The following PPP4R1 variants were observed in gnomAD, a reference collection of about 807,000 sequenced individuals.
PPP4R1 encodes the protein serine/threonine-protein phosphatase 4 regulatory subunit 1.
A neutral mutation model predicts 111.2 loss-of-function variants in PPP4R1; 42 were observed. That is an observed-to-expected ratio of 0.38 (90% CI 0.29 to 0.49). The LOEUF (loss-of-function observed/expected upper bound fraction) is 0.49. PPP4R1 is among the 20% of genes least tolerant of loss of function. PPP4R1 has a pLI of 0.97. For synonymous variants in PPP4R1, 409 were observed against 405.5 expected (o/e 1.01, Z -0.10); for missense variants, 1,012 against 1,161.6 (o/e 0.87, Z 1.87).
At chr18:9,561,696 G>GCAC (rs1271194339) in intron 13 of PPP4R1, among the ~76,000 whole-genome samples, 1 of 152,190 alleles carries the variant, frequency 6.6e-6, no homozygotes, top group Non-Finnish European at 1.5e-5. Context: ...ATAAAAAGAG[G>GCAC]CACATGTGTA....
intron 10 of PPP4R1, among the ~76,000 whole-genome samples, chr18:9,574,237 G>A (rs1014375894): frequency 6.6e-6 from 1 of 152,248 alleles, no homozygotes; most frequent in South Asian, 2.1e-4. Flanking sequence ...ACTTAAGGAG[G>A]AATCTTAAGT....
chr18:9,576,703 C>T (rs1302379021), intron 10 of PPP4R1, among the ~76,000 whole-genome samples: 3 of 152,046 alleles, frequency 2.0e-5, no homozygotes, highest in African/African-American at 4.8e-5. Flanking sequence ...CCAAATACTA[C>T]ACAGTGTGTA....
rs541422363 is a variant in PPP4R1 at position 9,601,159 on chromosome 18, A to C, written c.53-6006T>G. On this transcript the variant is annotated intron_variant, in intron 2 of 19. Coordinates refer to ENST00000400556, the MANE Select transcript of PPP4R1 (RefSeq NM_001042388.3). Reference sequence around the variant, plus strand: ...TATCTGAATTTTTTAAATGACCAAAAAGCATGCAATACAGTGTTCAAACCA... The same window carrying C: ...TATCTGAATTTTTTAAATGACCAAACAGCATGCAATACAGTGTTCAAACCA... 1.9e-4 allele frequency among the ~76,000 whole-genome samples: 29 copies of C among 152,086 alleles called. No homozygotes were observed. In the South Asian group the frequency reaches 6.0e-3, roughly 32 times the overall value.
At chr18:9,608,759 T>TA (rs202069969) in intron 2 of PPP4R1, among the ~76,000 whole-genome samples, 2,490 of 152,048 alleles carry the variant, frequency 0.016, 75 homozygotes, top group African/African-American at 0.057. Flanking sequence ...CTCCAAAATA[T>TA]AAAAAAAAGA....
intron 10 of PPP4R1, among the ~76,000 whole-genome samples, chr18:9,573,141 C>T (rs2066886707): frequency 6.6e-6 from 1 of 152,146 alleles, no homozygotes. Context: ...ATGTATTTCC[C>T]ATTTTGTCCA....
chr18:9,611,236 G>A (rs1044085608), intron 2 of PPP4R1, among the ~76,000 whole-genome samples: 4 of 152,242 alleles, frequency 2.6e-5, no homozygotes, highest in South Asian at 2.1e-4. Flanking sequence ...CACCTAGCTT[G>A]GCTGAAGTAG....
In PPP4R1 at chr18:9,547,775, G is replaced by C. The variant is rs192699370; in HGVS notation, c.*14C>G. ...CTCTCATGGAAGCAGGAAAGACACC[G>C]AGATTCAAGCCTTCTAGTAGGTTGA... On this transcript the variant is annotated 3_prime_UTR_variant, in exon 20 of 20. Coordinates refer to ENST00000400556, the MANE Select transcript of PPP4R1 (RefSeq NM_001042388.3). 1 of 1,611,892 alleles carries C rather than the reference G, an allele frequency of 6.2e-7. No individual in the cohort carries two copies.
intron 14 of PPP4R1, among the ~76,000 whole-genome samples, chr18:9,558,758 A>T (rs1231795449): frequency 6.6e-6 from 1 of 150,882 alleles, no homozygotes; most frequent in African/African-American, 2.4e-5. Context: ...AGGTGTGTTC[A>T]AAGAGGGGCA....
chr18:9,593,880 CA>C lies in PPP4R1; in HGVS notation c.189-7del, dbSNP rs199660486. 9 of 1,601,106 alleles carry C rather than the reference CA, an allele frequency of 5.6e-6. No homozygotes were observed. Among genetic ancestry groups the C allele is most frequent in the Non-Finnish European group, 6.8e-6 (8 of 1,170,996 alleles). ...AACTCCGGGCCACCATTTGTCTACACAAAAAAAACAAAATTATGTATGTTCA... is the reference window on the plus strand; with the variant it reads ...AACTCCGGGCCACCATTTGTCTACACAAAAAAACAAAATTATGTATGTTCA... On this transcript the variant is annotated splice_polypyrimidine_tract_variant and splice_region_variant and intron_variant, in intron 3 of 19. Coordinates refer to ENST00000400556, the MANE Select transcript of PPP4R1 (RefSeq NM_001042388.3).
At chr18:9,611,418 G>A (rs2067577506) in intron 2 of PPP4R1, among the ~76,000 whole-genome samples, 1 of 152,120 alleles carries the variant, frequency 6.6e-6, no homozygotes, top group Admixed American at 6.6e-5. Context: ...TGTGACAGCT[G>A]TCTCAGTCCT....
At chr18:9,611,607 A>T (rs2067580364) in intron 2 of PPP4R1, among the ~76,000 whole-genome samples, 1 of 152,244 alleles carries the variant, frequency 6.6e-6, no homozygotes, top group Non-Finnish European at 1.5e-5. Flanking sequence ...GAGAAAAATA[A>T]GCAATTACTC....
At position 9,547,969 on chromosome 18, in the gene PPP4R1, C is replaced by T; in HGVS notation, c.2690-17G>A. The T allele has an allele frequency of 1.2e-6, 2 of 1,612,970 alleles. No homozygotes were observed. The highest frequency in any genetic ancestry group is 8.5e-7 in the Non-Finnish European group (1 of 1,179,662). On this transcript the variant is annotated splice_polypyrimidine_tract_variant and intron_variant, in intron 19 of 19. Coordinates refer to ENST00000400556, the MANE Select transcript of PPP4R1 (RefSeq NM_001042388.3). ...AGAAATAGTCTGGAAATGACATGTG[C>T]ATAGGACAGATGAAACCAGTCCAAC...
rs747655241 is a variant in PPP4R1 at position 9,570,471 on chromosome 18, C to T, written c.1259G>A (p.Ser420Asn). 4 of 1,614,184 alleles carry T rather than the reference C, an allele frequency of 2.5e-6. No individual in the cohort carries two copies. In the South Asian group the frequency reaches 4.4e-5, roughly 18 times the overall value. Reference sequence around the variant, plus strand: ...ACCAGGTTTTTTATCATTCTCATTACTAGCTGCTTCCTGGTGAGATTCTGA... The same window carrying T: ...ACCAGGTTTTTTATCATTCTCATTATTAGCTGCTTCCTGGTGAGATTCTGA... ...LSSESHQEAA[S>N]NENDKKPGNY... The change falls in exon 11 of 20, where the codon AGT becomes AAT. Residue 420 changes from serine to asparagine, a missense_variant. Coordinates refer to ENST00000400556, the MANE Select transcript of PPP4R1 (RefSeq NM_001042388.3).
In PPP4R1 at chr18:9,588,812, T is replaced by C. The variant is rs774594946; in HGVS notation, c.337A>G (p.Ile113Val). The C allele has an allele frequency of 5.6e-6, 9 of 1,614,114 alleles. No individual in the cohort carries two copies. The highest frequency in any genetic ancestry group is 1.1e-5 in the South Asian group (1 of 91,070). Residue 113 changes from isoleucine to valine, a missense_variant, in exon 5 of 20, where the codon ATC becomes GTC. Around this residue, in one of 2 missense-constraint regions of PPP4R1, gnomAD observed 707 missense variants for 742.1 expected, o/e 0.95. Transcript: ENST00000400556. ...RAELMEQVPH[I>V]ALFCQENRPS... Reference sequence around the variant, plus strand: ...CGGTTTTCTTGACAAAACAGTGCGATGTGAGGCACCTGTTCCATCAGCTCC... The same window carrying C: ...CGGTTTTCTTGACAAAACAGTGCGACGTGAGGCACCTGTTCCATCAGCTCC...
chr18:9,548,734 T>C lies in PPP4R1; in HGVS notation c.2689+463A>G, dbSNP rs572594879. Among the ~76,000 whole-genome samples, 8 of 152,190 alleles carry C rather than the reference T, an allele frequency of 5.3e-5. No homozygotes were observed. The South Asian group carries it at 8.3e-4, about 16-fold the overall frequency. On this transcript the variant is annotated intron_variant, in intron 19 of 19. Coordinates refer to ENST00000400556, the MANE Select transcript of PPP4R1 (RefSeq NM_001042388.3). The stretch of plus-strand genomic sequence containing the variant: ...GAGTTCGAGACCGGCCTGGCCAACA[T>C]GGTGAAACCCCATCTCTACTAAAAA...
Position 9,559,562 on chromosome 18 carries a change from T to C in PPP4R1, c.1885A>G (p.Thr629Ala). The change falls in exon 14 of 20, where the codon ACT becomes GCT. Residue 629 changes from threonine (T) to alanine (A), a missense_variant. By Grantham distance (58) the Thr-to-Ala change is moderately conservative (BLOSUM62 0). Around this residue, in one of 2 missense-constraint regions of PPP4R1, gnomAD observed 305 missense variants for 419.5 expected, o/e 0.73. Coordinates refer to ENST00000400556, the MANE Select transcript of PPP4R1 (RefSeq NM_001042388.3). The stretch of plus-strand genomic sequence containing the variant: ...ACCGTCTGTGCACGAGAAGGGTCAG[T>C]CATAGATAAATACTGATCTAACAAC... ...QALLDQYLSM[T>A]DPSRAQTVDT... 2 of 1,612,870 alleles carry C rather than the reference T, an allele frequency of 1.2e-6. No individual in the cohort carries two copies. Among genetic ancestry groups the C allele is most frequent in the South Asian group, 1.1e-5 (1 of 90,776 alleles).
At chr18:9,557,739 C>T (rs1167454945) in intron 14 of PPP4R1, among the ~76,000 whole-genome samples, 1 of 152,090 alleles carries the variant, frequency 6.6e-6, no homozygotes, top group African/African-American at 2.4e-5. Context: ...GCACTAAGCA[C>T]ATGCTAGAAC....
At chr18:9,550,606 T>TAGGC (rs1555664305) in intron 16 of PPP4R1, 7 of 576,910 alleles carry the variant, frequency 1.2e-5, no homozygotes, top group African/African-American at 9.4e-5. Flanking sequence ...TCAAGTTCCT[T>TAGGC]AGAGTGTAAG....
intron 11 of PPP4R1, among the ~76,000 whole-genome samples, chr18:9,567,967 G>C (rs905711031): frequency 2.6e-5 from 4 of 152,058 alleles, no homozygotes; most frequent in Non-Finnish European, 4.4e-5. Context: ...TTTCAATGAA[G>C]GTATGTGCAT....
Sources: allele counts gnomAD v4.1 joint callset (sites outside exome capture counted in the v4.1 genomes callset), GRCh38; gene constraint gnomAD v4.1.1; regional missense constraint gnomAD v4.1.1; transcripts MANE v1.5; gene names NCBI Gene and HGNC (gene_info 2026-07-23, HGNC 2026-07-21).